CBFA2T3: variants seen among roughly 807,000 people sequenced by gnomAD.
CBFA2T3 encodes transcriptional corepressor CBFA2T3.
Under a neutral mutation model 58.6 loss-of-function variants are expected in CBFA2T3, and 31 were observed. The observed-to-expected ratio is 0.53, with a 90% confidence interval of 0.40 to 0.71. CBFA2T3 has a LOEUF of 0.71. Ranked by LOEUF, CBFA2T3 falls within the 30% of genes least tolerant of loss-of-function variation. The pLI is 0.00. For missense variants in CBFA2T3, 1,076 were observed against 963.1 expected (o/e 1.12, Z -1.55); for synonymous variants, 531 against 421.9 (o/e 1.26, Z -3.17).
chr16:88,943,345 C>T lies in CBFA2T3; in HGVS notation c.151+33312G>A, dbSNP rs79992277. On this transcript the variant is annotated intron_variant, in intron 1 of 11. Coordinates refer to ENST00000268679, the MANE Select transcript of CBFA2T3 (RefSeq NM_005187.6). ...TCTCGGTTCTCTGGACCGCAGGCTT[C>T]GGGTGTTAAGTGACCAGTTGCAACA... Among the ~76,000 whole-genome samples, 104 of 152,330 alleles carry T rather than the reference C, an allele frequency of 6.8e-4. No individual in the cohort carries two copies. In the East Asian group the frequency reaches 0.019, roughly 28 times the overall value.
At chr16:88,913,303 C>A (rs187102648) in intron 1 of CBFA2T3, among the ~76,000 whole-genome samples, 3 of 152,250 alleles carry the variant, frequency 2.0e-5, no homozygotes, top group South Asian at 4.1e-4. Context: ...TGGCTGACCA[C>A]GGACCAGCCA....
intron 1 of CBFA2T3, among the ~76,000 whole-genome samples, chr16:88,914,342 C>A (rs527585678): frequency 6.6e-6 from 1 of 152,166 alleles, no homozygotes; most frequent in Non-Finnish European, 1.5e-5. Flanking sequence ...GGCCCATAGC[C>A]GTGTGCACGT....
rs977049538 is a variant in CBFA2T3 at position 88,875,016 on chromosome 16, C to T, written c.*1960G>A. 36 of 234,120 alleles carry T rather than the reference C, an allele frequency of 1.5e-4. No individual in the cohort carries two copies. Among genetic ancestry groups the T allele is most frequent in the Admixed American group, 2.8e-4 (5 of 17,766 alleles). The allele number at this position is 234,120 out of a possible 1,614,324, so 14.5% of individuals were successfully genotyped here. On this transcript the variant is annotated 3_prime_UTR_variant, in exon 12 of 12. Transcript: ENST00000268679. ...GCTGGTTCAGTAGCTGGGTCACTCC[C>T]GTATTGCACTGAGTTCCTAGAACTC...
At chr16:88,894,634 TATG>T (rs1969814911) in intron 3 of CBFA2T3, among the ~76,000 whole-genome samples, 1 of 152,086 alleles carries the variant, frequency 6.6e-6, no homozygotes, top group Non-Finnish European at 1.5e-5. Context: ...CATGCACGGC[TATG>T]ATGTACACGC....
At chr16:88,920,697 A>C (rs1970885028) in intron 1 of CBFA2T3, among the ~76,000 whole-genome samples, 1 of 152,206 alleles carries the variant, frequency 6.6e-6, no homozygotes, top group African/African-American at 2.4e-5. Context: ...GTGCAGGTGG[A>C]CAAGGGCGGC....
chr16:88,976,543 G>A (rs992854612), intron 1 of CBFA2T3, 114 bp downstream of exon 1: 174 of 767,520 alleles, frequency 2.3e-4, no homozygotes, highest in Admixed American at 2.1e-3. Flanking sequence ...GGCCATCCGT[G>A]CCGGCACTGT....
At chr16:88,967,206 C>T (rs1299740176) in intron 1 of CBFA2T3, among the ~76,000 whole-genome samples, 4 of 110,296 alleles carry the variant, frequency 3.6e-5, no homozygotes, top group Admixed American at 8.6e-5. Context: ...CACGAGGCAG[C>T]GCCATGCCAC....
chr16:88,920,766 G>A (rs995072598), intron 1 of CBFA2T3, among the ~76,000 whole-genome samples: 1 of 152,198 alleles, frequency 6.6e-6, no homozygotes, highest in Non-Finnish European at 1.5e-5. Flanking sequence ...CAGGAGGACT[G>A]GGTCCCCAGC....
chr16:88,977,136 G>C lies in CBFA2T3; in HGVS notation c.-329C>G, dbSNP rs1042234894. 1 of 313,810 alleles carries C rather than the reference G, an allele frequency of 3.2e-6. No homozygotes were observed. The highest frequency in any genetic ancestry group is 6.0e-6 in the Non-Finnish European group (1 of 167,930). The allele number at this position is 313,810 out of a possible 1,614,324, so 19.4% of individuals were successfully genotyped here. A position where few individuals can be genotyped will look rare whatever the true frequency, so the allele number is the denominator to read the frequency against. ...GCCGGGGCCGGAGGCCTGCAGCTGC[G>C]CCCGCCACTTCCCTGACAGGAACCA... On this transcript the variant is annotated 5_prime_UTR_variant, in exon 1 of 12. Transcript: ENST00000268679.
intron 11 of CBFA2T3, among the ~76,000 whole-genome samples, chr16:88,878,563 C>T (rs996350560): frequency 2.6e-5 from 4 of 152,232 alleles, no homozygotes; most frequent in South Asian, 2.1e-4. Flanking sequence ...TCAGGCCTGC[C>T]GTGTGCACCG....
At chr16:88,882,566 A>G (rs1320921789) in intron 8 of CBFA2T3, 110 bp downstream of exon 8, 4 of 368,746 alleles carry the variant, frequency 1.1e-5, no homozygotes, top group South Asian at 8.5e-5. Flanking sequence ...GTGTGTGGGC[A>G]TGGCTGTGGG....
chr16:88,961,803 G>A (rs1244254224), intron 1 of CBFA2T3, among the ~76,000 whole-genome samples: 19 of 102,662 alleles, frequency 1.9e-4, no homozygotes, highest in Admixed American at 1.2e-3. Context: ...GACACTCAGC[G>A]CTGGGCATTC....
At chr16:88,928,168 A>G (rs1971148158) in intron 1 of CBFA2T3, among the ~76,000 whole-genome samples, 1 of 152,206 alleles carries the variant, frequency 6.6e-6, no homozygotes, top group South Asian at 2.1e-4. Flanking sequence ...GTCTCTGAGC[A>G]CCACCAGGGT....
chr16:88,908,003 C>T (rs1970396052), intron 1 of CBFA2T3, among the ~76,000 whole-genome samples: 1 of 152,166 alleles, frequency 6.6e-6, no homozygotes, highest in African/African-American at 2.4e-5. Context: ...TCCCCCAGCC[C>T]TGGCTGCAGC....
chr16:88,881,607 G>T, intron 8 of CBFA2T3, 118 bp from the exon 9 acceptor site: 1 of 1,033,284 alleles, frequency 9.7e-7, no homozygotes, highest in Non-Finnish European at 1.4e-6. Flanking sequence ...CCCACCGCCC[G>T]TGAGAGTAAG....
At chr16:88,934,453 A>G (rs143766690) in intron 1 of CBFA2T3, among the ~76,000 whole-genome samples, 130 of 152,368 alleles carry the variant, frequency 8.5e-4, no homozygotes, top group Non-Finnish European at 1.5e-3. Context: ...CACAGCAGCC[A>G]GCAGGGCCAC....
At chr16:88,900,212 C>T (rs1420651209) in intron 2 of CBFA2T3, among the ~76,000 whole-genome samples, 4 of 152,250 alleles carry the variant, frequency 2.6e-5, no homozygotes, top group African/African-American at 7.2e-5. Context: ...TACTGAGTGC[C>T]GGGCACATTT....
chr16:88,937,312 G>C (rs1037799628), intron 1 of CBFA2T3: 2 of 152,306 alleles, frequency 1.3e-5, no homozygotes, highest in African/African-American at 4.8e-5. Flanking sequence ...ACCTGGCCCT[G>C]ACACCAGGGA....
intron 10 of CBFA2T3, 56 bp downstream of exon 10, chr16:88,880,664 T>G (rs867184969): frequency 3.5e-6 from 5 of 1,439,666 alleles, no homozygotes; most frequent in Middle Eastern, 1.7e-4. Flanking sequence ...GAGAGGCGCA[T>G]CTGGGGCCCT....
Sources: allele counts gnomAD v4.1 joint callset (sites outside exome capture counted in the v4.1 genomes callset), GRCh38; gene constraint gnomAD v4.1.1; transcripts MANE v1.5; gene names NCBI Gene and HGNC (gene_info 2026-07-23, HGNC 2026-07-21).